FHOD3: variants seen among roughly 807,000 people sequenced by gnomAD.
FHOD3 encodes the protein formin homology 2 domain containing 3, also known as FH1/FH2 domain-containing protein 3.
Under a neutral mutation model 173.0 loss-of-function variants are expected in FHOD3, and 90 were observed. That is an observed-to-expected ratio of 0.52 (90% confidence interval 0.44 to 0.62). FHOD3 has a LOEUF of 0.62. Among genes scored for constraint, FHOD3 ranks in the 20% least tolerant of loss-of-function variants. The pLI, the probability that FHOD3 is intolerant of heterozygous loss-of-function variation, is 0.00. For missense variants in FHOD3, 1,945 were observed against 2,034.7 expected (o/e 0.96, Z 0.85); for synonymous variants, 828 against 823.0 (o/e 1.01, Z -0.10).
At chr18:36,674,567 G>C (rs1322886807) in intron 14 of FHOD3, among the ~76,000 whole-genome samples, 3 of 152,078 alleles carry the variant, frequency 2.0e-5, no homozygotes, top group African/African-American at 7.2e-5. Flanking sequence ...TCAGCAACTA[G>C]GTGTCTGGTT....
In FHOD3 at chr18:36,739,021, G is replaced by A. The variant is rs538752272; in HGVS notation, c.3577-1635G>A. ...ACCAAAACAGGATCTGGTTCAGATG[G>A]GATAAAGCAAAAAAACTGACAAAAA... On this transcript the variant is annotated intron_variant, in intron 20 of 28. Transcript: ENST00000590592. Among the ~76,000 whole-genome samples, 99 of 152,198 alleles carry A rather than the reference G, an allele frequency of 6.5e-4. 1 individual carries two copies. The highest frequency in any genetic ancestry group is 2.3e-3 in the South Asian group (11 of 4,824).
At position 36,302,237 on chromosome 18, in the gene FHOD3, T is replaced by G. The variant is rs114451309; in HGVS notation, c.165+4237T>G. On this transcript the variant is annotated intron_variant, in intron 1 of 28. Coordinates refer to ENST00000590592, the MANE Select transcript of FHOD3 (RefSeq NM_001281740.3). ...CCTTGAGTGTACTGTGTTCATTCCTTTCTCACTACCCTTGTCTTTGTGGTT... is the reference window on the plus strand; with the variant it reads ...CCTTGAGTGTACTGTGTTCATTCCTGTCTCACTACCCTTGTCTTTGTGGTT... Among the ~76,000 whole-genome samples the G allele has an allele frequency of 3.4e-3, 512 of 152,294 alleles. 4 individuals are homozygous for G. Among genetic ancestry groups the G allele is most frequent in the African/African-American group, 0.012 (495 of 41,560 alleles).
chr18:36,320,822 G>T (rs546962002), intron 1 of FHOD3, among the ~76,000 whole-genome samples: 1 of 152,168 alleles, frequency 6.6e-6, no homozygotes, highest in Non-Finnish European at 1.5e-5. Flanking sequence ...TTTTCATTGA[G>T]CACCTGCTAA....
intron 6 of FHOD3, among the ~76,000 whole-genome samples, chr18:36,589,439 C>T (rs1025991778): frequency 2.0e-5 from 3 of 152,296 alleles, no homozygotes; most frequent in Non-Finnish European, 4.4e-5. Flanking sequence ...CCCCAAAAGC[C>T]ATCACATGGT....
chr18:36,484,277 A>G (rs2054078655), intron 3 of FHOD3, among the ~76,000 whole-genome samples: 1 of 152,012 alleles, frequency 6.6e-6, no homozygotes, highest in South Asian at 2.1e-4. Context: ...TAGTTCTTTT[A>G]ATATATGTCT....
chr18:36,589,264 A>G (rs983660913), intron 6 of FHOD3, among the ~76,000 whole-genome samples: 3 of 152,254 alleles, frequency 2.0e-5, no homozygotes, highest in Non-Finnish European at 1.5e-5. Context: ...CTTTAGAACA[A>G]CATAAACATA....
At chr18:36,709,461 G>T in intron 18 of FHOD3, 70 bp downstream of exon 18, 1 of 1,507,698 alleles carries the variant, frequency 6.6e-7, no homozygotes, top group South Asian at 1.3e-5. Context: ...GGTTCTCTAA[G>T]AGCTTGTCCA....
chr18:36,376,173 A>G lies in FHOD3; in HGVS notation c.337+3429A>G, dbSNP rs1302730638. On this transcript the variant is annotated intron_variant, in intron 3 of 28. Transcript: ENST00000590592. ...ATCTCATCATGAAGAGAAAGGAACT[A>G]AAGAATTGTGGGGTAAGGAATGGAA... Among the ~76,000 whole-genome samples, 4 of 152,188 alleles carry G rather than the reference A, an allele frequency of 2.6e-5. No individual in the cohort carries two copies. The East Asian group carries it at 7.7e-4, about 29-fold the overall frequency.
intron 11 of FHOD3, 150 bp from the exon 12 acceptor site, chr18:36,652,420 A>G (rs2036121118): frequency 3.9e-6 from 4 of 1,022,946 alleles, no homozygotes; most frequent in Non-Finnish European, 5.5e-6. Context: ...ACAGGCTTTT[A>G]TGCTTCAGTT....
rs775478366 is a variant in FHOD3, at chr18:36,594,851, A to G, written c.671A>G (p.Asn224Ser). 40 of 1,613,852 alleles carry G rather than the reference A, an allele frequency of 2.5e-5. No individual in the cohort carries two copies. Among genetic ancestry groups the G allele is most frequent in the Non-Finnish European group, 3.1e-5 (37 of 1,179,950 alleles). The change falls in exon 7 of 29, where the codon AAC becomes AGC. Residue 224 changes from asparagine (N) to serine (S), a missense_variant. Physicochemically the swap from Asn to Ser is conservative, Grantham distance 46. Coordinates refer to ENST00000590592, the MANE Select transcript of FHOD3 (RefSeq NM_001281740.3). ...GTCTTTGTAGAGTACTCGGAGTCCA[A>G]CGCACCTCTCCTAATTCAGGCTGTC... ...LLVFVEYSES[N>S]APLLIQAVTA...
At position 36,742,853 on chromosome 18, in the gene FHOD3, T is replaced by G. The variant is rs146482746; in HGVS notation, c.3876T>G (p.Thr1292=). 4.3e-6 allele frequency: 7 copies of G among 1,611,326 alleles called. No individual in the cohort carries two copies. The highest frequency in any genetic ancestry group is 5.9e-6 in the Non-Finnish European group (7 of 1,179,256). ...CCATTGGGAACTTTCTAAATGGAAC[T>G]AATGTAAGTCATCCCCATCCCTCAT... ...LLAIGNFLNG[T]NAKAFELSYL... is the part of the protein sequence containing the mutation. Residue 1292 remains threonine, a synonymous_variant, in exon 22 of 29, where the codon ACT becomes ACG. Transcript: ENST00000590592.
chr18:36,380,433 C>T (rs1218833562), intron 3 of FHOD3, among the ~76,000 whole-genome samples: 1 of 150,972 alleles, frequency 6.6e-6, no homozygotes, highest in African/African-American at 2.4e-5. Flanking sequence ...GGTCATCTCC[C>T]TTCCTCCCTC....
At chr18:36,651,155 C>T (rs1241646975) in intron 11 of FHOD3, among the ~76,000 whole-genome samples, 1 of 152,172 alleles carries the variant, frequency 6.6e-6, no homozygotes, top group African/African-American at 2.4e-5. Context: ...CCGCCTGAGG[C>T]ACTGCCCTCA....
chr18:36,474,265 G>A (rs1281016440), intron 3 of FHOD3, among the ~76,000 whole-genome samples: 6 of 152,136 alleles, frequency 3.9e-5, no homozygotes, highest in Non-Finnish European at 5.9e-5. Flanking sequence ...CCTCCACCAC[G>A]TGCACAGGAA....
intron 1 of FHOD3, among the ~76,000 whole-genome samples, chr18:36,317,798 G>A (rs1475798440): frequency 6.6e-6 from 1 of 152,086 alleles, no homozygotes; most frequent in South Asian, 2.1e-4. Flanking sequence ...TGAAGTCTTT[G>A]CCCATACCTA....
At position 36,514,014 on chromosome 18, in the gene FHOD3, C is replaced by CTTTTTTTTTTTTTTTTTTTTTT. The variant is rs58493993; in HGVS notation, c.511+1483_511+1484insTTTTTTTTTTTTTTTTTTTTTT. Among the ~76,000 whole-genome samples, 51 of 104,644 alleles carry CTTTTTTTTTTTTTTTTTTTTTT rather than the reference C, an allele frequency of 4.9e-4. 7 individuals are homozygous for CTTTTTTTTTTTTTTTTTTTTTT. The highest frequency in any genetic ancestry group is 8.3e-4 in the East Asian group (3 of 3,630). 68.7% of individuals were successfully genotyped at this position (104,644 alleles called of 152,430 possible). ...ATTGCTGAATTTTGCTATTTCTATT[C>CTTTTTTTTTTTTTTTTTTTTTT]TTTTTTTTTTTTGAGATGGAGTCTT... On this transcript the variant is annotated intron_variant, in intron 5 of 28. Transcript: ENST00000590592.
chr18:36,387,314 G>A lies in FHOD3; in HGVS notation c.337+14570G>A, dbSNP rs73418917. On this transcript the variant is annotated intron_variant, in intron 3 of 28. Coordinates refer to ENST00000590592, the MANE Select transcript of FHOD3 (RefSeq NM_001281740.3). The stretch of plus-strand genomic sequence containing the variant: ...CTCTCACACTTCCCTTGTGAGCTGC[G>A]GAAAGGACTGATGAGCCATGAGGGT... Among the ~76,000 whole-genome samples, 915 of 152,270 alleles carry A rather than the reference G, an allele frequency of 6.0e-3. 8 individuals are homozygous for A. The highest frequency in any genetic ancestry group is 0.021 in the African/African-American group (858 of 41,552).
chr18:36,480,402 G>T (rs577921025), intron 3 of FHOD3, among the ~76,000 whole-genome samples: 8 of 152,220 alleles, frequency 5.3e-5, no homozygotes, highest in Non-Finnish European at 8.8e-5. Context: ...TCGCTAGCGG[G>T]AAATTGGGGT....
intron 1 of FHOD3, among the ~76,000 whole-genome samples, chr18:36,342,687 A>G (rs1215894670): frequency 6.6e-6 from 1 of 152,234 alleles, no homozygotes; most frequent in Non-Finnish European, 1.5e-5. Context: ...TACTTTATCA[A>G]AGTTAAAAAC....
Sources: gnomAD v4.1 joint callset for allele counts (sites outside exome capture counted in the v4.1 genomes callset) on GRCh38, gnomAD v4.1.1 for gene constraint, MANE v1.5 for transcripts, NCBI Gene and HGNC (gene_info 2026-07-23, HGNC 2026-07-21) for gene names.